The following GARIN1B variants were observed in gnomAD, a reference collection of about 807,000 sequenced individuals.
GARIN1B encodes golgi associated RAB2 interactor 1B, also known as Golgi-associated RAB2 interactor protein 1B.
At chr7:128,725,073 G>T in the GARIN1B span, 3 of 245,150 alleles carry the variant, frequency 1.2e-5, no homozygotes, top group African/African-American at 6.7e-5. Flanking sequence ...GAGGCAAATT[G>T]TAAGTAAGCT....
chr7:128,729,869 A>G, the GARIN1B span: 1 of 1,603,302 alleles, frequency 6.2e-7, no homozygotes, highest in African/African-American at 1.3e-5. Flanking sequence ...GTGAACCAGC[A>G]CACAAGCAAA....
the GARIN1B span, among the ~76,000 whole-genome samples, chr7:128,718,396 C>T: frequency 1.0e-4 from 15 of 147,174 alleles, no homozygotes; most frequent in Non-Finnish European, 2.1e-4. Context: ...CGTGCCATTG[C>T]ACTCCAGCCT....
chr7:128,727,250 A>G, the GARIN1B span, among the ~76,000 whole-genome samples: 2 of 152,204 alleles, frequency 1.3e-5, no homozygotes, highest in African/African-American at 4.8e-5. Flanking sequence ...GTAGAAAGAC[A>G]CCATGTTCCC....
At chr7:128,709,750 C>CT in the GARIN1B span, among the ~76,000 whole-genome samples, 2,103 of 114,630 alleles carry the variant, frequency 0.018, 49 homozygotes, top group South Asian at 0.032. Flanking sequence ...CTCTCTCTCT[C>CT]TTTTTTTTTT....
At chr7:128,726,945 C>A in the GARIN1B span, 1 of 1,380,014 alleles carries the variant, frequency 7.2e-7, no homozygotes, top group Admixed American at 1.8e-5. Context: ...CCCCTCCAGC[C>A]CCCATCCTGG....
the GARIN1B span, among the ~76,000 whole-genome samples, chr7:128,720,463 G>T: frequency 2.6e-5 from 4 of 152,158 alleles, 1 homozygote; most frequent in Non-Finnish European, 5.9e-5. Flanking sequence ...GCCTCCCAAA[G>T]TCCTGGGATT....
At chr7:128,714,009 G>A in the GARIN1B span, 1 of 1,532,204 alleles carries the variant, frequency 6.5e-7, no homozygotes, top group South Asian at 1.2e-5. Context: ...TTTCCTACCT[G>A]GTAAACAAAA....
At chr7:128,723,479 A>G in the GARIN1B span, 8 of 717,986 alleles carry the variant, frequency 1.1e-5, no homozygotes, top group Non-Finnish European at 1.7e-5. Context: ...TTGGGAGGTC[A>G]AGGCAGATGG....
At chr7:128,711,295 G>A in the GARIN1B span, among the ~76,000 whole-genome samples, 3,599 of 152,064 alleles carry the variant, frequency 0.024, 72 homozygotes, top group Middle Eastern at 0.054. Flanking sequence ...TATTTCACAG[G>A]AAATGAGTAG....
At chr7:128,715,541 G>T in the GARIN1B span, 1 of 1,614,148 alleles carries the variant, frequency 6.2e-7, no homozygotes, top group Non-Finnish European at 8.5e-7. Context: ...GAATGCCTGG[G>T]AAGAATTCAG....
chr7:128,718,131 G>A, the GARIN1B span, among the ~76,000 whole-genome samples: 1 of 152,112 alleles, frequency 6.6e-6, no homozygotes, highest in Non-Finnish European at 1.5e-5. Flanking sequence ...CTCCTTTGGT[G>A]CTTTCAAGAA....
At chr7:128,714,241 T>G in the GARIN1B span, 1 of 1,131,120 alleles carries the variant, frequency 8.8e-7, no homozygotes, top group Non-Finnish European at 1.3e-6. Flanking sequence ...TCTGTCTATA[T>G]GTGTTACATT....
chr7:128,715,777 G>A, the GARIN1B span: 1 of 1,196,216 alleles, frequency 8.4e-7, no homozygotes, highest in Non-Finnish European at 1.2e-6. Context: ...CCCTGAAACT[G>A]GGGCAGAGTG....
At chr7:128,718,435 A>G in the GARIN1B span, among the ~76,000 whole-genome samples, 10 of 39,012 alleles carry the variant, frequency 2.6e-4, no homozygotes, top group East Asian at 1.5e-3. Flanking sequence ...TTTGCCTCAG[A>G]AAAAAAAAAA....
the GARIN1B span, chr7:128,729,834 G>A: frequency 6.5e-7 from 1 of 1,534,180 alleles, no homozygotes; most frequent in Admixed American, 1.8e-5. Context: ...CCCCCCAAAT[G>A]TCAGCTGTAA....
At chr7:128,714,010 G>A in the GARIN1B span, 1 of 1,532,472 alleles carries the variant, frequency 6.5e-7, no homozygotes, top group Non-Finnish European at 8.7e-7. Flanking sequence ...TTCCTACCTG[G>A]TAAACAAAAG....
At chr7:128,714,131 T>C in the GARIN1B span, 1 of 1,536,040 alleles carries the variant, frequency 6.5e-7, no homozygotes, top group Non-Finnish European at 8.7e-7. Context: ...TGGAATTGGA[T>C]GGTGAGAGCC....
the GARIN1B span, among the ~76,000 whole-genome samples, chr7:128,722,147 C>G: frequency 2.0e-5 from 3 of 152,180 alleles, no homozygotes; most frequent in African/African-American, 4.8e-5. Flanking sequence ...GTATTCCCTC[C>G]TCTATTTTCT....
the GARIN1B span, chr7:128,726,857 A>G: frequency 6.2e-7 from 1 of 1,614,136 alleles, no homozygotes; most frequent in Non-Finnish European, 8.5e-7. Flanking sequence ...GTGGAGACCA[A>G]CAAGAACAGC....
Sources: gnomAD v4.1 joint callset for allele counts (sites outside exome capture counted in the v4.1 genomes callset) on GRCh38, gnomAD v4.1.1 for gene constraint, MANE v1.5 for transcripts, NCBI Gene and HGNC (gene_info 2026-07-23, HGNC 2026-07-21) for gene names.